The following GPM6A variants were observed in gnomAD, a reference collection of about 807,000 sequenced individuals.
The protein encoded by GPM6A is neuronal membrane glycoprotein M6-a.
GPM6A carries 7 observed loss-of-function variants against 32.1 expected under a neutral mutation model. The observed-to-expected ratio is 0.22, with a 90% CI of 0.12 to 0.41. The LOEUF (loss-of-function observed/expected upper bound fraction) is 0.41, where lower values mean the gene tolerates loss of function less well. GPM6A is among the 10% of genes least tolerant of loss of function. The pLI is 1.00. For synonymous variants in GPM6A, 130 were observed against 123.4 expected, an observed-to-expected ratio of 1.05 and a Z score of -0.35; for missense variants, 235 against 347.2, an observed-to-expected ratio of 0.68 and a Z score of 2.57.
intron 1 of GPM6A, among the ~76,000 whole-genome samples, chr4:175,926,229 G>A (rs1738835604): frequency 6.6e-6 from 1 of 151,990 alleles, no homozygotes; most frequent in African/African-American, 2.4e-5. Context: ...CAAAAACACT[G>A]GCAAATGTTT....
chr4:175,812,620 G>A (rs1579531359), upstream of GPM6A: 5 of 994,980 alleles, frequency 5.0e-6, no homozygotes, highest in South Asian at 1.4e-4. Flanking sequence ...TTAAAATGGG[G>A]AAAAGAAATT....
intron 3 of GPM6A, among the ~76,000 whole-genome samples, chr4:175,658,378 T>C (rs1742207005): frequency 6.6e-6 from 1 of 151,242 alleles, no homozygotes; most frequent in African/African-American, 2.4e-5. Context: ...AAAGAAAAAG[T>C]ATGGAGACAG....
At chr4:175,997,499 T>C (rs1288762659) in intron 1 of GPM6A, among the ~76,000 whole-genome samples, 1 of 152,082 alleles carries the variant, frequency 6.6e-6, no homozygotes, top group East Asian at 1.9e-4. Flanking sequence ...GATCAAGAGC[T>C]GAGCTACATA....
At chr4:175,894,371 G>A (rs538704381) in intron 1 of GPM6A, among the ~76,000 whole-genome samples, 3 of 152,248 alleles carry the variant, frequency 2.0e-5, no homozygotes, top group South Asian at 2.1e-4. Flanking sequence ...AAGCGAGGAA[G>A]GGGTGCTAAA....
chr4:175,694,093 G>T (rs189546972), intron 2 of GPM6A, among the ~76,000 whole-genome samples: 13 of 152,258 alleles, frequency 8.5e-5, no homozygotes, highest in African/African-American at 3.1e-4. Flanking sequence ...GCAGATGCCA[G>T]CATCATGCTT....
chr4:175,836,019 C>T (rs1032198367), intron 1 of GPM6A, among the ~76,000 whole-genome samples: 3 of 151,944 alleles, frequency 2.0e-5, no homozygotes, highest in African/African-American at 4.8e-5. Flanking sequence ...TGTGACTATG[C>T]CTAATTATAG....
At chr4:175,863,928 G>T (rs1373877561) in intron 1 of GPM6A, among the ~76,000 whole-genome samples, 1 of 151,880 alleles carries the variant, frequency 6.6e-6, no homozygotes, top group East Asian at 1.9e-4. Context: ...TTGAGTCCAG[G>T]AATTCTAGGC....
At chr4:175,934,677 A>G (rs1348348404) in intron 1 of GPM6A, among the ~76,000 whole-genome samples, 1 of 152,194 alleles carries the variant, frequency 6.6e-6, no homozygotes, top group African/African-American at 2.4e-5. Context: ...AAAGAAATTA[A>G]CTTTCTATAA....
intron 1 of GPM6A, among the ~76,000 whole-genome samples, chr4:175,937,992 T>C (rs1224894952): frequency 6.6e-6 from 1 of 152,160 alleles, no homozygotes; most frequent in Non-Finnish European, 1.5e-5. Context: ...CAGTTATTTA[T>C]ATGGACGTGA....
At chr4:175,811,199 T>G (rs1414176950) in intron 1 of GPM6A, among the ~76,000 whole-genome samples, 1 of 152,096 alleles carries the variant, frequency 6.6e-6, no homozygotes, top group Non-Finnish European at 1.5e-5. Context: ...TAAAATACAG[T>G]TTTTTACGAT....
At chr4:175,886,757 A>AC in intron 1 of GPM6A, among the ~76,000 whole-genome samples, 1 of 150,194 alleles carries the variant, frequency 6.7e-6, no homozygotes, top group Admixed American at 6.6e-5. Flanking sequence ...ACACACACAC[A>AC]AACACACACC....
chr4:175,882,054 A>G (rs999788019), intron 1 of GPM6A, among the ~76,000 whole-genome samples: 1 of 152,084 alleles, frequency 6.6e-6, no homozygotes, highest in Non-Finnish European at 1.5e-5. Flanking sequence ...TGATTTTCAT[A>G]TAATTGTTTA....
At chr4:175,651,362 G>GTT (rs11346196) in intron 4 of GPM6A, among the ~76,000 whole-genome samples, 4 of 151,084 alleles carry the variant, frequency 2.6e-5, no homozygotes, top group Non-Finnish European at 2.9e-5. Flanking sequence ...TTTATTTAGC[G>GTT]TTTTTTTTTT....
intron 6 of GPM6A, among the ~76,000 whole-genome samples, chr4:175,637,583 ATATAT>A (rs1275232516): frequency 2.0e-5 from 2 of 99,280 alleles, no homozygotes; most frequent in African/African-American, 8.0e-5. Flanking sequence ...ATTATATAAA[ATATAT>A]TATATATTAT....
intron 4 of GPM6A, among the ~76,000 whole-genome samples, chr4:175,651,334 A>G (rs945613041): frequency 2.0e-5 from 3 of 149,698 alleles, no homozygotes; most frequent in African/African-American, 7.4e-5. Flanking sequence ...AATGAAAATA[A>G]CCAAAGCAGA....
At chr4:175,644,225 G>A (rs28380270) in intron 4 of GPM6A, among the ~76,000 whole-genome samples, 9,389 of 144,318 alleles carry the variant, frequency 0.065, 359 homozygotes, top group African/African-American at 0.11. Context: ...CCGGGTTCAC[G>A]CCATTCTCCT....
At chr4:175,721,986 T>C (rs1746157572) in intron 1 of GPM6A, among the ~76,000 whole-genome samples, 1 of 152,178 alleles carries the variant, frequency 6.6e-6, no homozygotes, top group African/African-American at 2.4e-5. Context: ...CATGCAATAA[T>C]TTATAAAATT....
intron 1 of GPM6A, among the ~76,000 whole-genome samples, chr4:175,870,553 T>C (rs1443224881): frequency 2.6e-5 from 4 of 152,220 alleles, no homozygotes; most frequent in African/African-American, 9.6e-5. Context: ...CTTTACATTC[T>C]AAATCTCATG....
chr4:175,696,951 T>C (rs1157914513), intron 2 of GPM6A, among the ~76,000 whole-genome samples: 1 of 152,170 alleles, frequency 6.6e-6, no homozygotes, highest in East Asian at 1.9e-4. Context: ...TGATTTATTT[T>C]GTTTTAGGTA....
Sources: gnomAD v4.1 joint callset for allele counts (sites outside exome capture counted in the v4.1 genomes callset) on GRCh38, gnomAD v4.1.1 for gene constraint, MANE v1.5 for transcripts, NCBI Gene and HGNC (gene_info 2026-07-23, HGNC 2026-07-21) for gene names.